The following ZCCHC14 variants were observed in gnomAD, a reference collection of about 807,000 sequenced individuals.
ZCCHC14 encodes zinc finger CCHC-type containing 14.
A neutral mutation model predicts 85.0 loss-of-function variants in ZCCHC14; 16 were observed. The observed-to-expected ratio is 0.19, with a 90% CI of 0.13 to 0.29. The LOEUF (loss-of-function observed/expected upper bound fraction) is 0.29. ZCCHC14 is among the 10% of genes least tolerant of loss of function. The probability of loss-of-function intolerance (pLI) is 1.00; values close to 1 mark genes in which losing one functional copy is unlikely to be tolerated. For synonymous variants in ZCCHC14, 775 were observed against 630.7 expected, an observed-to-expected ratio of 1.23 and a Z score of -3.43; for missense variants, 1,303 against 1,443.5, an observed-to-expected ratio of 0.90 and a Z score of 1.58.
At chr16:87,426,070 T>A (rs1452935041) in intron 3 of ZCCHC14, among the ~76,000 whole-genome samples, 4 of 152,192 alleles carry the variant, frequency 2.6e-5, no homozygotes, top group Non-Finnish European at 4.4e-5. Flanking sequence ...TATCAGAAAG[T>A]GAGCACTGGA....
intron 1 of ZCCHC14, among the ~76,000 whole-genome samples, chr16:87,463,074 AAAAG>A (rs897991117): frequency 1.3e-5 from 2 of 152,050 alleles, no homozygotes; most frequent in African/African-American, 4.8e-5. Context: ...GTCTCAAAGA[AAAAG>A]AAAAAAAGAA....
intron 3 of ZCCHC14, among the ~76,000 whole-genome samples, chr16:87,426,947 A>G (rs1909401767): frequency 6.6e-6 from 1 of 152,262 alleles, no homozygotes; most frequent in Admixed American, 6.5e-5. Context: ...GAAACGCTCA[A>G]CTAAAGGCAG....
At chr16:87,422,497 G>A (rs1909152682) in intron 4 of ZCCHC14, among the ~76,000 whole-genome samples, 1 of 151,790 alleles carries the variant, frequency 6.6e-6, no homozygotes, top group Admixed American at 6.6e-5. Context: ...GGCCGAGGAG[G>A]ACAGATCACC....
chr16:87,411,020 G>A (rs1217970490), intron 12 of ZCCHC14, among the ~76,000 whole-genome samples: 1 of 152,198 alleles, frequency 6.6e-6, no homozygotes, highest in Non-Finnish European at 1.5e-5. Context: ...TTGACTAAAG[G>A]AGACAAAAAA....
rs770030347 is a variant in ZCCHC14, at chr16:87,412,649, C to T, written c.2072G>A (p.Ser691Asn). The change falls in exon 12 of 13, where the codon AGC becomes AAC. Residue 691 changes from serine to asparagine, a missense_variant. Physicochemically the swap from Ser to Asn is conservative, Grantham distance 46. Coordinates refer to ENST00000671377, the MANE Select transcript of ZCCHC14 (RefSeq NM_015144.3). ...CACGTCCATCATGGCGCTGCCAAAG[C>T]TCTTGTCCACTTTCATGCTGCTTCT... ...GPRSSMKVDK[S>N]FGSAMMDVLP... 2.5e-6 allele frequency: 4 copies of T among 1,614,126 alleles called. No homozygotes were observed. Among genetic ancestry groups the T allele is most frequent in the African/African-American group, 1.3e-5 (1 of 74,944 alleles).
chr16:87,445,298 C>T (rs1420386521), intron 2 of ZCCHC14, among the ~76,000 whole-genome samples: 1 of 152,130 alleles, frequency 6.6e-6, no homozygotes, highest in African/African-American at 2.4e-5. Flanking sequence ...ATCTCTTGAC[C>T]TCATGATCCA....
intron 2 of ZCCHC14, among the ~76,000 whole-genome samples, chr16:87,434,751 G>C (rs922141733): frequency 2.0e-5 from 3 of 152,146 alleles, no homozygotes; most frequent in Admixed American, 2.0e-4. Context: ...CAGCACTTTG[G>C]GGGGCCGAGG....
At chr16:87,481,004 G>C (rs1012532933) in intron 1 of ZCCHC14, among the ~76,000 whole-genome samples, 1 of 152,212 alleles carries the variant, frequency 6.6e-6, no homozygotes, top group African/African-American at 2.4e-5. Flanking sequence ...CCGTAAGCCA[G>C]AAATGAAGCT....
chr16:87,425,714 G>A (rs1909336604), intron 3 of ZCCHC14, among the ~76,000 whole-genome samples: 1 of 152,146 alleles, frequency 6.6e-6, no homozygotes, highest in Admixed American at 6.5e-5. Flanking sequence ...AGAACTCCAA[G>A]AACACCACCA....
rs1274619609 is a variant in ZCCHC14 at position 87,407,501 on chromosome 16, T to TTTGC, written c.*2775_*2778dup. ...GAAAATAAGGTAGAAAACTGAGTGT[T>TTTGC]TTGCTTAAAAAATAAAAAAGGATTA... On this transcript the variant is annotated 3_prime_UTR_variant, in exon 13 of 13. Transcript: ENST00000671377. The TTTGC allele has an allele frequency of 5.3e-5, 8 of 152,138 alleles. No homozygotes were observed. Among genetic ancestry groups the TTTGC allele is most frequent in the African/African-American group, 1.7e-4 (7 of 41,408 alleles). 9.4% of individuals were successfully genotyped at this position (152,138 alleles called of 1,614,324 possible).
At chr16:87,422,566 T>C (rs1015375915) in intron 4 of ZCCHC14, among the ~76,000 whole-genome samples, 7 of 138,620 alleles carry the variant, frequency 5.0e-5, no homozygotes, top group African/African-American at 1.5e-4. Context: ...CTACTAAAAA[T>C]TAAAAAAAAA....
chr16:87,410,714 A>AG (rs1285203599), intron 12 of ZCCHC14, among the ~76,000 whole-genome samples: 2 of 152,222 alleles, frequency 1.3e-5, no homozygotes, highest in African/African-American at 4.8e-5. Context: ...AGGGAGGCAC[A>AG]GGCCCACCCG....
chr16:87,490,154 A>T (rs1912687802), intron 1 of ZCCHC14, among the ~76,000 whole-genome samples: 3 of 152,230 alleles, frequency 2.0e-5, no homozygotes, highest in East Asian at 1.9e-4. Context: ...AAATCAATTT[A>T]AAAAAACCGA....
In ZCCHC14 at chr16:87,408,275, T is replaced by C. The variant is rs1211477487; in HGVS notation, c.*2005A>G. ...GAGACGGTTTTCAACAATTTCAGTG[T>C]TGAAATAGGATTTATTTAAAATATT... is the stretch of plus-strand genomic sequence containing the variant. On this transcript the variant is annotated 3_prime_UTR_variant, in exon 13 of 13. Coordinates refer to ENST00000671377, the MANE Select transcript of ZCCHC14 (RefSeq NM_015144.3). The C allele has an allele frequency of 6.6e-6, 1 of 152,594 alleles. No individual in the cohort carries two copies. The highest frequency in any genetic ancestry group is 1.5e-5 in the Non-Finnish European group (1 of 68,050). The allele number at this position is 152,594 out of a possible 1,614,324, so 9.5% of individuals were successfully genotyped here.
intron 2 of ZCCHC14, among the ~76,000 whole-genome samples, chr16:87,439,151 C>CT (rs1370099167): frequency 4.7e-5 from 6 of 126,532 alleles, no homozygotes; most frequent in African/African-American, 1.2e-4. Context: ...TTTTTTTTTT[C>CT]TTTTTTTAGA....
At chr16:87,479,308 C>A (rs1314771894) in intron 1 of ZCCHC14, among the ~76,000 whole-genome samples, 2 of 151,214 alleles carry the variant, frequency 1.3e-5, no homozygotes, top group Non-Finnish European at 2.9e-5. Context: ...CCCAGTTACT[C>A]AGGAGGCTGA....
chr16:87,467,852 C>T (rs1253411749), intron 1 of ZCCHC14, among the ~76,000 whole-genome samples: 19 of 152,146 alleles, frequency 1.2e-4, no homozygotes, highest in Non-Finnish European at 1.0e-4. Flanking sequence ...GGGGTTTCAC[C>T]GTGTTAGCCA....
At chr16:87,461,538 T>C (rs954480393) in intron 1 of ZCCHC14, among the ~76,000 whole-genome samples, 4 of 152,178 alleles carry the variant, frequency 2.6e-5, no homozygotes, top group Admixed American at 6.5e-5. Context: ...GCCTGACCTC[T>C]CCAGCCTCCA....
chr16:87,419,704 G>A, intron 6 of ZCCHC14, 79 bp downstream of exon 6: 1 of 1,265,644 alleles, frequency 7.9e-7, no homozygotes, highest in Non-Finnish European at 1.1e-6. Context: ...CCAAAGTGCT[G>A]GGATTACAAG....
Sources: allele counts gnomAD v4.1 joint callset (sites outside exome capture counted in the v4.1 genomes callset), GRCh38; gene constraint gnomAD v4.1.1; transcripts MANE v1.5; gene names NCBI Gene and HGNC (gene_info 2026-07-23, HGNC 2026-07-21).